SPATA7: variants seen among roughly 807,000 people sequenced by gnomAD.
SPATA7 encodes the protein spermatogenesis-associated protein 7.
A neutral mutation model predicts 51.8 loss-of-function variants in SPATA7; 43 were observed. The ratio of observed to expected loss-of-function variants is 0.83; its 90% CI spans 0.65 to 1.07. The LOEUF (loss-of-function observed/expected upper bound fraction) is 1.07. SPATA7 is among the 50% of genes least tolerant of loss of function. SPATA7 has a pLI of 0.00. For missense variants in SPATA7, 683 were observed against 701.3 expected (o/e 0.97, Z 0.30); for synonymous variants, 230 against 252.8 (o/e 0.91, Z 0.86).
intron 1 of SPATA7, among the ~76,000 whole-genome samples, chr14:88,387,013 T>G (rs2075598923): frequency 6.6e-6 from 1 of 152,366 alleles, no homozygotes; most frequent in African/African-American, 2.4e-5. Context: ...TACTAGGAAC[T>G]ATTTCCAAAT....
intron 4 of SPATA7, among the ~76,000 whole-genome samples, chr14:88,463,989 TGCCACCATGCCC>T (rs1566799434): frequency 6.6e-6 from 1 of 151,682 alleles, no homozygotes; most frequent in Non-Finnish European, 1.5e-5. Context: ...GCTGGACACG[TGCCACCATGCCC>T]AGCTAAGTTT....
At chr14:88,439,437 T>C (rs1248489513), downstream of SPATA7, among the ~76,000 whole-genome samples, 1 of 152,190 alleles carries the variant, frequency 6.6e-6, no homozygotes, top group African/African-American at 2.4e-5. Flanking sequence ...TTTAACTATT[T>C]ACAATAATAT....
intron 10 of SPATA7, 127 bp from the exon 11 acceptor site, chr14:88,437,416 T>C: frequency 1.4e-6 from 1 of 694,252 alleles, no homozygotes; most frequent in Non-Finnish European, 2.5e-6. Context: ...AGTCTTCAGC[T>C]TTACAGAGAA....
chr14:88,414,961 C>G (rs1310391406), intron 4 of SPATA7, among the ~76,000 whole-genome samples: 2 of 151,962 alleles, frequency 1.3e-5, no homozygotes, highest in African/African-American at 4.8e-5. Context: ...TTGAAACTTG[C>G]TTTGTCTTCG....
At chr14:88,440,079 G>C (rs2077167761), downstream of SPATA7, among the ~76,000 whole-genome samples, 1 of 152,008 alleles carries the variant, frequency 6.6e-6, no homozygotes, top group Non-Finnish European at 1.5e-5. Flanking sequence ...TCAGCCCCAG[G>C]GTTCCTTTCT....
At chr14:88,391,832 A>T (rs934878069) in intron 2 of SPATA7, 4 of 230,698 alleles carry the variant, frequency 1.7e-5, no homozygotes, top group Non-Finnish European at 3.5e-5. Flanking sequence ...CTTGAATAAT[A>T]CATTTCCTAT....
chr14:88,407,934 T>C (rs1055764287), intron 4 of SPATA7, among the ~76,000 whole-genome samples: 2 of 152,176 alleles, frequency 1.3e-5, no homozygotes, highest in African/African-American at 4.8e-5. Flanking sequence ...GTGGCGTTAC[T>C]TCTGAGACCT....
intron 10 of SPATA7, among the ~76,000 whole-genome samples, chr14:88,433,457 A>G (rs1445933091): frequency 6.6e-6 from 1 of 152,194 alleles, no homozygotes; most frequent in East Asian, 1.9e-4. Context: ...TTAATATTAT[A>G]TCCCTTGAGT....
chr14:88,467,895 C>G, intron 4 of SPATA7: 1 of 567,624 alleles, frequency 1.8e-6, no homozygotes. Context: ...CCGGACAGAC[C>G]GGGGCAGGGC....
chr14:88,396,268 A>G, intron 4 of SPATA7, 65 bp downstream of exon 4: 1 of 1,182,952 alleles, frequency 8.5e-7, no homozygotes, highest in Admixed American at 1.8e-5. Context: ...CATAACATAA[A>G]ATTTACTGTC....
chr14:88,386,654 A>G (rs2075587150), intron 1 of SPATA7, among the ~76,000 whole-genome samples: 1 of 152,170 alleles, frequency 6.6e-6, no homozygotes, highest in Non-Finnish European at 1.5e-5. Context: ...CCCAAACCAA[A>G]TAATTTGCAT....
chr14:88,437,709 G>T (rs990508093), intron 11 of SPATA7, 112 bp downstream of exon 11: 113 of 1,331,838 alleles, frequency 8.5e-5, no homozygotes, highest in Non-Finnish European at 1.1e-4. Flanking sequence ...TTTTTCCCTT[G>T]AACTTTTTTG....
At chr14:88,429,326 A>AT (rs752520496) in intron 7 of SPATA7, 22 bp from the exon 8 acceptor site, 100 of 1,444,486 alleles carry the variant, frequency 6.9e-5, no homozygotes, top group Non-Finnish European at 8.8e-5. Flanking sequence ...AAAAATAAAT[A>AT]TTTTTTTTAT....
chr14:88,427,964 G>C (rs1045184135), intron 7 of SPATA7: 2 of 357,344 alleles, frequency 5.6e-6, no homozygotes, highest in African/African-American at 4.1e-5. Context: ...CAAATGGAAG[G>C]ATCAGTAAAA....
downstream of SPATA7, chr14:88,438,544 C>T: frequency 1.2e-6 from 1 of 845,908 alleles, no homozygotes; most frequent in Non-Finnish European, 1.9e-6. Context: ...TACCAGAAAC[C>T]TAGCGGCCTA....
chr14:88,389,507 A>G (rs2075680875), intron 1 of SPATA7, among the ~76,000 whole-genome samples: 2 of 152,164 alleles, frequency 1.3e-5, no homozygotes, highest in South Asian at 4.1e-4. Flanking sequence ...GCTCAGCCCT[A>G]ATTCTGTCAT....
rs558693084 is a variant in SPATA7 at position 88,461,687 on chromosome 14, C to T, written c.255-8160C>T. ...GAGGCGATGCCTCACCCTGCTTTGG[C>T]TTACGCTCGGTGGGCTGCACCCACT... is the stretch of plus-strand genomic sequence containing the variant. On this transcript the variant is annotated intron_variant, in intron 4 of 4. Transcript: ENST00000556406. Among the ~76,000 whole-genome samples the T allele has an allele frequency of 2.8e-4, 42 of 152,230 alleles. No homozygotes were observed. In the South Asian group the frequency reaches 8.3e-3, roughly 30 times the overall value.
chr14:88,409,519 G>T (rs1233182142), intron 4 of SPATA7, among the ~76,000 whole-genome samples: 1 of 150,750 alleles, frequency 6.6e-6, no homozygotes, highest in Admixed American at 6.6e-5. Context: ...TATCTATTTT[G>T]TTCATCTTTT....
At chr14:88,465,612 G>A (rs982429006) in intron 4 of SPATA7, among the ~76,000 whole-genome samples, 2 of 152,182 alleles carry the variant, frequency 1.3e-5, no homozygotes, top group Non-Finnish European at 2.9e-5. Context: ...ATAACTCTAC[G>A]TTTTGTGGAA....
Sources: gnomAD v4.1 joint callset for allele counts (sites outside exome capture counted in the v4.1 genomes callset) on GRCh38, gnomAD v4.1.1 for gene constraint, MANE v1.5 for transcripts, NCBI Gene and HGNC (gene_info 2026-07-23, HGNC 2026-07-21) for gene names.